The following MORC1 variants were observed in gnomAD, a reference collection of about 807,000 sequenced individuals.
MORC1 encodes MORC family CW-type zinc finger protein 1.
A neutral mutation model predicts 134.9 loss-of-function variants in MORC1; 59 were observed. The observed-to-expected ratio is 0.44, with a 90% confidence interval of 0.35 to 0.54. MORC1 has a LOEUF of 0.54. Among genes scored for constraint, MORC1 ranks in the 20% least tolerant of loss-of-function variants. The pLI, the probability that MORC1 is intolerant of heterozygous loss-of-function variation, is 0.00. For missense variants in MORC1, 947 were observed against 1,134.5 expected (o/e 0.83, Z 2.37); for synonymous variants, 395 against 391.7 (o/e 1.01, Z -0.10).
chr3:108,974,015 TG>T, intron 24 of MORC1, among the ~76,000 whole-genome samples: 3 of 152,306 alleles, frequency 2.0e-5, no homozygotes, highest in Non-Finnish European at 4.4e-5. Flanking sequence ...CTATTTTCTC[TG>T]ATTTCCTGGC....
At chr3:109,042,640 TG>T in intron 14 of MORC1, among the ~76,000 whole-genome samples, 1 of 152,334 alleles carries the variant, frequency 6.6e-6, no homozygotes, top group Admixed American at 6.5e-5. Flanking sequence ...CCATATTCAT[TG>T]CAGCACTATT....
chr3:109,076,974 T>A (rs1247036682), intron 8 of MORC1, among the ~76,000 whole-genome samples: 2 of 142,464 alleles, frequency 1.4e-5, no homozygotes, highest in Non-Finnish European at 1.5e-5. Context: ...CTTAAAGTAT[T>A]AAAAAAAAAA....
intron 14 of MORC1, among the ~76,000 whole-genome samples, chr3:109,044,270 G>A (rs1949631095): frequency 6.6e-6 from 1 of 151,850 alleles, no homozygotes; most frequent in African/African-American, 2.4e-5. Flanking sequence ...TTTAAACCAA[G>A]CACCTGGGGA....
chr3:109,031,485 G>A (rs564399425), intron 16 of MORC1, among the ~76,000 whole-genome samples: 1 of 152,220 alleles, frequency 6.6e-6, no homozygotes, highest in South Asian at 2.1e-4. Context: ...CTTAGTTCAT[G>A]GTAAGTTCAT....
intron 8 of MORC1, among the ~76,000 whole-genome samples, chr3:109,081,659 T>TGGCCAGGCTGGTC (rs1950522050): frequency 6.6e-6 from 1 of 152,128 alleles, no homozygotes; most frequent in Non-Finnish European, 1.5e-5. Context: ...TTCAGTATGT[T>TGGCCAGGCTGGTC]GGCCAGGCTG....
At chr3:108,961,378 A>G (rs1947075359) in intron 27 of MORC1, among the ~76,000 whole-genome samples, 1 of 152,180 alleles carries the variant, frequency 6.6e-6, no homozygotes, top group East Asian at 1.9e-4. Flanking sequence ...CTGACCCTGA[A>G]GAATGCCCTG....
intron 8 of MORC1, among the ~76,000 whole-genome samples, chr3:109,092,854 C>G (rs569085374): frequency 4.4e-4 from 67 of 152,230 alleles, no homozygotes; most frequent in African/African-American, 1.4e-3. Flanking sequence ...ACTGCAGGCT[C>G]GAGCTAAGTT....
chr3:108,998,353 G>A (rs576065656), intron 21 of MORC1, among the ~76,000 whole-genome samples: 122 of 152,276 alleles, frequency 8.0e-4, no homozygotes, highest in African/African-American at 2.8e-3. Context: ...TTGGTGTGCT[G>A]AATATACCAT....
At chr3:108,996,852 T>TA (rs1215922896) in intron 21 of MORC1, among the ~76,000 whole-genome samples, 2 of 150,316 alleles carry the variant, frequency 1.3e-5, no homozygotes, top group Admixed American at 6.6e-5. Context: ...CTACTAAAAA[T>TA]AAAAAAAATT....
At chr3:108,965,312 T>C (rs941582036) in intron 26 of MORC1, among the ~76,000 whole-genome samples, 1 of 152,174 alleles carries the variant, frequency 6.6e-6, no homozygotes, top group African/African-American at 2.4e-5. Context: ...AAAACAATAG[T>C]ATTGCTAATC....
chr3:109,048,337 G>A (rs1173439255), intron 14 of MORC1, among the ~76,000 whole-genome samples: 1 of 152,158 alleles, frequency 6.6e-6, no homozygotes, highest in Non-Finnish European at 1.5e-5. Context: ...TTTTTAAACA[G>A]TACTTACTTT....
At chr3:109,117,963 C>T in intron 1 of MORC1, 32 bp downstream of exon 1, 1 of 1,550,012 alleles carries the variant, frequency 6.5e-7, no homozygotes, top group Non-Finnish European at 8.8e-7. Context: ...CGCAGAGACC[C>T]TCCCCGACCC....
At chr3:109,063,113 A>T in intron 10 of MORC1, 39 bp downstream of exon 10, 1 of 1,423,118 alleles carries the variant, frequency 7.0e-7, no homozygotes, top group Non-Finnish European at 9.8e-7. Flanking sequence ...TTGCTGAATG[A>T]CTGAACAACA....
intron 26 of MORC1, among the ~76,000 whole-genome samples, chr3:108,966,346 G>T (rs1030398356): frequency 5.3e-5 from 8 of 152,170 alleles, no homozygotes; most frequent in South Asian, 2.1e-4. Flanking sequence ...ATGAGTTTGT[G>T]CAAAGTAAGG....
intron 8 of MORC1, among the ~76,000 whole-genome samples, chr3:109,077,176 G>T (rs866744779): frequency 1.1e-4 from 16 of 152,074 alleles, no homozygotes; most frequent in African/African-American, 2.9e-4. Context: ...TATTGAAGTG[G>T]AAGGGAAAAA....
chr3:108,992,296 G>C (rs573459574), intron 21 of MORC1, among the ~76,000 whole-genome samples: 30 of 152,158 alleles, frequency 2.0e-4, no homozygotes, highest in Admixed American at 5.9e-4. Flanking sequence ...ACCTGGAATG[G>C]CTTCTCTCTT....
intron 11 of MORC1, among the ~76,000 whole-genome samples, chr3:109,060,977 C>A (rs1291032286): frequency 6.7e-6 from 1 of 149,426 alleles, no homozygotes; most frequent in African/African-American, 2.4e-5. Context: ...GATAGGTTTA[C>A]CCTTAATTTA....
chr3:109,116,333 C>T (rs1258732107), intron 1 of MORC1, among the ~76,000 whole-genome samples: 1 of 152,146 alleles, frequency 6.6e-6, no homozygotes, highest in Non-Finnish European at 1.5e-5. Flanking sequence ...ACAGTGGTGG[C>T]TTGGACTAAA....
intron 27 of MORC1, among the ~76,000 whole-genome samples, chr3:108,961,751 A>C (rs2715757): frequency 0.35 from 52,607 of 152,144 alleles, 9,514 homozygotes; most frequent in Middle Eastern, 0.49. Flanking sequence ...ACAGCAAATT[A>C]AATTAGTATG....
Sources: allele counts gnomAD v4.1 joint callset (sites outside exome capture counted in the v4.1 genomes callset), GRCh38; gene constraint gnomAD v4.1.1; transcripts MANE v1.5; gene names NCBI Gene and HGNC (gene_info 2026-07-23, HGNC 2026-07-21).